Variants in DLG2 observed in about 807,000 individuals in gnomAD.
DLG2 encodes the protein discs large MAGUK scaffold protein 2, also known as disks large homolog 2.
A neutral mutation model predicts 132.5 loss-of-function variants in DLG2; 45 were observed. The ratio of observed to expected loss-of-function variants is 0.34; its 90% CI spans 0.27 to 0.44. The LOEUF is 0.44. Among genes scored for constraint, DLG2 ranks in the 20% least tolerant of loss-of-function variants. The pLI is 1.00. For synonymous variants in DLG2, 424 were observed against 419.6 expected, an observed-to-expected ratio of 1.01 and a Z score of -0.13; for missense variants, 1,045 against 1,196.9, an observed-to-expected ratio of 0.87 and a Z score of 1.87.
chr11:84,788,100 CAAAAAA>C (rs139086655), intron 6 of DLG2, among the ~76,000 whole-genome samples: 80 of 45,672 alleles, frequency 1.8e-3, no homozygotes, highest in African/African-American at 7.5e-3. Flanking sequence ...GAATATGTCT[CAAAAAA>C]AAAAAAAAAA....
intron 6 of DLG2, among the ~76,000 whole-genome samples, chr11:84,834,632 G>A (rs953716336): frequency 5.3e-5 from 8 of 151,488 alleles, no homozygotes; most frequent in African/African-American, 1.7e-4. Flanking sequence ...GAGAAGCAGG[G>A]GGTTAGGACT....
chr11:84,686,632 T>TTG (rs2099738420), intron 6 of DLG2, among the ~76,000 whole-genome samples: 1 of 61,190 alleles, frequency 1.6e-5, no homozygotes, highest in African/African-American at 7.5e-5. Flanking sequence ...GCCTTGAGGT[T>TTG]TTTTTTTTTT....
At chr11:84,922,259 T>C (rs561395049) in intron 6 of DLG2, among the ~76,000 whole-genome samples, 49 of 152,328 alleles carry the variant, frequency 3.2e-4, no homozygotes, top group Admixed American at 8.5e-4. Flanking sequence ...ACTTTCCTTT[T>C]GGACTTCTTT....
intron 10 of DLG2, among the ~76,000 whole-genome samples, chr11:84,091,822 T>G (rs1374236370): frequency 6.6e-6 from 1 of 152,200 alleles, no homozygotes; most frequent in Non-Finnish European, 1.5e-5. Flanking sequence ...TGGGGTTCTC[T>G]TATAAGCTCA....
At chr11:84,732,744 T>A (rs903950412) in intron 6 of DLG2, among the ~76,000 whole-genome samples, 9 of 151,966 alleles carry the variant, frequency 5.9e-5, no homozygotes, top group African/African-American at 2.2e-4. Context: ...GCTGCACCCA[T>A]TAACTCGTCA....
chr11:84,740,950 G>A, intron 6 of DLG2, among the ~76,000 whole-genome samples: 1 of 151,466 alleles, frequency 6.6e-6, no homozygotes, highest in Non-Finnish European at 1.5e-5. Context: ...CATGGCCCTG[G>A]CCTTCACAAA....
intron 19 of DLG2, 130 bp downstream of exon 19, chr11:83,633,081 G>A (rs2153459702): frequency 1.4e-6 from 1 of 699,644 alleles, no homozygotes; most frequent in East Asian, 2.7e-5. Flanking sequence ...TTAAACACAA[G>A]GTCTTTCAGT....
intron 6 of DLG2, among the ~76,000 whole-genome samples, chr11:84,606,835 G>A (rs2154535962): frequency 6.6e-6 from 1 of 152,176 alleles, no homozygotes; most frequent in Admixed American, 6.6e-5. Flanking sequence ...CTACCTGGTG[G>A]TGTAGTATCA....
chr11:84,724,636 T>C (rs1276755682), intron 6 of DLG2, among the ~76,000 whole-genome samples: 3 of 152,142 alleles, frequency 2.0e-5, no homozygotes, highest in African/African-American at 4.8e-5. Flanking sequence ...TATTTAACCA[T>C]CACAATCACT....
At chr11:85,317,121 A>G (rs2080738558) in intron 3 of DLG2, among the ~76,000 whole-genome samples, 1 of 151,882 alleles carries the variant, frequency 6.6e-6, no homozygotes. Context: ...AGGCAAGTAA[A>G]CATCTTGTGT....
chr11:83,928,295 T>A (rs765136534), intron 15 of DLG2, among the ~76,000 whole-genome samples: 10 of 152,148 alleles, frequency 6.6e-5, no homozygotes, highest in Non-Finnish European at 1.2e-4. Context: ...ATGTTTTTAT[T>A]TGAAAAATAA....
At chr11:85,284,588 C>T (rs992851436) in intron 4 of DLG2, among the ~76,000 whole-genome samples, 8 of 151,974 alleles carry the variant, frequency 5.3e-5, no homozygotes, top group African/African-American at 1.4e-4. Flanking sequence ...TGAGACATGC[C>T]TCAACTTGCC....
At chr11:84,921,295 C>G (rs1566399729) in intron 6 of DLG2, among the ~76,000 whole-genome samples, 1 of 151,996 alleles carries the variant, frequency 6.6e-6, no homozygotes, top group Non-Finnish European at 1.5e-5. Context: ...AAGCATAATT[C>G]AAATTAAAAC....
chr11:84,842,466 T>C (rs1164260752), intron 6 of DLG2, among the ~76,000 whole-genome samples: 1 of 151,866 alleles, frequency 6.6e-6, no homozygotes, highest in Admixed American at 6.6e-5. Flanking sequence ...CTGAGCAGGG[T>C]GATGTCAAAG....
intron 17 of DLG2, among the ~76,000 whole-genome samples, chr11:83,794,134 G>A (rs2042210325): frequency 6.6e-6 from 1 of 152,112 alleles, no homozygotes; most frequent in African/African-American, 2.4e-5. Flanking sequence ...ATAAAATCTT[G>A]TTCATTTTAG....
intron 19 of DLG2, among the ~76,000 whole-genome samples, chr11:83,602,067 T>C (rs1199316226): frequency 1.3e-5 from 2 of 152,180 alleles, no homozygotes; most frequent in Non-Finnish European, 2.9e-5. Flanking sequence ...AAGAGAGTAA[T>C]GTGCTGCAGT....
intron 6 of DLG2, among the ~76,000 whole-genome samples, chr11:84,853,264 T>G (rs2082368583): frequency 6.6e-6 from 1 of 152,008 alleles, no homozygotes; most frequent in African/African-American, 2.4e-5. Flanking sequence ...TATTGCCATT[T>G]TGAAAGGCAA....
At chr11:84,780,725 T>C (rs2071599981) in intron 6 of DLG2, among the ~76,000 whole-genome samples, 1 of 152,128 alleles carries the variant, frequency 6.6e-6, no homozygotes, top group Non-Finnish European at 1.5e-5. Context: ...GAAAACATTT[T>C]TAAAATTCAG....
Position 85,346,505 on chromosome 11 carries a change from T to A in DLG2, c.41-61140A>T, listed in dbSNP as rs2082861440. Among the ~76,000 whole-genome samples the A allele has an allele frequency of 5.3e-5, 8 of 152,130 alleles. No homozygotes were observed. The South Asian group carries it at 1.7e-3, about 31-fold the overall frequency. ...GCCTGGCCAATTTTCTTAATTACTA[T>A]ATTTTGCAATAACCGATATTATTGT... On this transcript the variant is annotated intron_variant, in intron 3 of 27. Transcript: ENST00000376104.
Sources: gnomAD v4.1 joint callset for allele counts (sites outside exome capture counted in the v4.1 genomes callset) on GRCh38, gnomAD v4.1.1 for gene constraint, MANE v1.5 for transcripts, NCBI Gene and HGNC (gene_info 2026-07-23, HGNC 2026-07-21) for gene names.